WNT7B: variants seen among roughly 807,000 people sequenced by gnomAD.
The protein encoded by WNT7B is protein Wnt-7b.
In WNT7B, 19 loss-of-function variants were observed where a neutral mutation model predicts 38.2. That is an observed-to-expected ratio of 0.50 (90% CI 0.35 to 0.73). The LOEUF is 0.73. Among genes scored for constraint, WNT7B ranks in the 30% least tolerant of loss-of-function variants. WNT7B has a pLI of 0.01. For synonymous variants in WNT7B, 243 were observed against 209.3 expected, an observed-to-expected ratio of 1.16 and a Z score of -1.39; for missense variants, 423 against 507.9, an observed-to-expected ratio of 0.83 and a Z score of 1.61.
At chr22:45,925,146 C>T in intron 3 of WNT7B, 5 of 971,054 alleles carry the variant, frequency 5.1e-6, no homozygotes, top group Non-Finnish European at 6.1e-6. Context: ...CAGGTGGGTG[C>T]TGGGTGGGCC....
intron 2 of WNT7B, among the ~76,000 whole-genome samples, chr22:45,940,467 C>T (rs548550573): frequency 3.9e-5 from 6 of 152,280 alleles, no homozygotes; most frequent in African/African-American, 7.2e-5. Context: ...TACACACGCG[C>T]GACACTGCCT....
At chr22:45,923,706 G>A (rs1320267453) in intron 3 of WNT7B, among the ~76,000 whole-genome samples, 1 of 152,148 alleles carries the variant, frequency 6.6e-6, no homozygotes, top group Admixed American at 6.5e-5. Flanking sequence ...GCAGGTCACA[G>A]GCAGCAGGTG....
At chr22:45,940,200 C>G (rs1233492033) in intron 2 of WNT7B, among the ~76,000 whole-genome samples, 3 of 152,244 alleles carry the variant, frequency 2.0e-5, no homozygotes, top group African/African-American at 7.2e-5. Flanking sequence ...GTGTCCTACT[C>G]AATTTAAACC....
In WNT7B at chr22:45,943,670, T is replaced by C. The variant is rs548385633; in HGVS notation, c.298+6250A>G. On this transcript the variant is annotated intron_variant, in intron 2 of 3. Transcript: ENST00000339464. ...GAGAGCCTGCGGGCTTCTCTGGCCC[T>C]TGGGGGCAACATGGCCTTGGGTAAG... 8.6e-5 allele frequency among the ~76,000 whole-genome samples: 13 copies of C among 151,970 alleles called. 1 individual carries two copies. The South Asian group carries it at 2.7e-3, about 31-fold the overall frequency.
rs201323878 is a variant in WNT7B at position 45,923,252 on chromosome 22, C to T, written c.654G>A (p.Leu218=). ...SCTTKTCWTT[L]PKFREVGHLL... ...GGTGGCCCACCTCTCGGAACTTGGG[C>T]AGCGTGGTCCAGCAGGTTTTGGTGG... The change falls in exon 4 of 4, where the codon CTG becomes CTA. Residue 218 remains leucine, a synonymous_variant. Transcript: ENST00000339464. 3 of 1,613,626 alleles carry T rather than the reference C, an allele frequency of 1.9e-6. No individual in the cohort carries two copies. Among genetic ancestry groups the T allele is most frequent in the African/African-American group, 2.7e-5 (2 of 75,070 alleles).
intron 2 of WNT7B, among the ~76,000 whole-genome samples, chr22:45,943,124 G>C (rs1326119726): frequency 6.6e-6 from 1 of 152,122 alleles, no homozygotes; most frequent in Non-Finnish European, 1.5e-5. Context: ...TGTGTGCCAG[G>C]TGTACTGCTG....
At chr22:45,924,082 C>T (rs1017766636) in intron 3 of WNT7B, among the ~76,000 whole-genome samples, 4 of 152,214 alleles carry the variant, frequency 2.6e-5, no homozygotes, top group African/African-American at 4.8e-5. Context: ...CTCATTTACC[C>T]GGATCGAAAG....
intron 3 of WNT7B, chr22:45,925,657 T>C: frequency 2.0e-6 from 2 of 985,338 alleles, no homozygotes; most frequent in Non-Finnish European, 1.2e-6. Context: ...AGCCCTTCCC[T>C]CCACTAACCT....
At chr22:45,973,129 AGGCTTCCCCACTCT>A (rs766986578) in intron 1 of WNT7B, among the ~76,000 whole-genome samples, 1 of 152,240 alleles carries the variant, frequency 6.6e-6, no homozygotes, top group South Asian at 2.1e-4. Flanking sequence ...CCTCACACAG[AGGCTTCCCCACTCT>A]GGCTTCCCCA....
chr22:45,976,835 G>T lies in WNT7B; in HGVS notation c.-81C>A. 7.5e-7 allele frequency: 1 copy of T among 1,324,610 alleles called. No individual in the cohort carries two copies. The highest frequency in any genetic ancestry group is 9.9e-7 in the Non-Finnish European group (1 of 1,014,234). 82.1% of individuals were successfully genotyped at this position (1,324,610 alleles called of 1,614,324 possible). A position where few individuals can be genotyped will look rare whatever the true frequency, so the allele number is the denominator to read the frequency against. On this transcript the variant is annotated 5_prime_UTR_variant, in exon 1 of 4. Coordinates refer to ENST00000339464, the MANE Select transcript of WNT7B (RefSeq NM_058238.3). This position sits in a 1 kb window ranked among gnomAD's most constrained non-coding sequence, Gnocchi z 8.5. ...CCCGGCAGGGCCGGGCAGGGGCCAGGGGGCTGCGGGCAGACTGCGCTCAGC... is the reference window on the plus strand; with the variant it reads ...CCCGGCAGGGCCGGGCAGGGGCCAGTGGGCTGCGGGCAGACTGCGCTCAGC...
intron 2 of WNT7B, among the ~76,000 whole-genome samples, chr22:45,934,760 A>T (rs781461691): frequency 6.6e-6 from 1 of 152,180 alleles, no homozygotes; most frequent in Non-Finnish European, 1.5e-5. Flanking sequence ...CCGGTTACTC[A>T]TCGCCTGCCG....
At chr22:45,958,130 C>A (rs1415713101) in intron 1 of WNT7B, among the ~76,000 whole-genome samples, 3 of 152,258 alleles carry the variant, frequency 2.0e-5, no homozygotes, top group Admixed American at 2.0e-4. Context: ...TAGCCACCAT[C>A]CTTCCTCCCA....
chr22:45,927,768 C>G, intron 3 of WNT7B, among the ~76,000 whole-genome samples: 1 of 152,334 alleles, frequency 6.6e-6, no homozygotes, highest in South Asian at 2.1e-4. Context: ...CAGTGGCACA[C>G]GCCTGTAATC....
chr22:45,926,232 C>T, intron 3 of WNT7B: 1 of 985,410 alleles, frequency 1.0e-6, no homozygotes, highest in African/African-American at 1.7e-5. Context: ...GGCATTCGAG[C>T]AACAGCAATG....
rs946011524 is a variant in WNT7B at position 45,951,893 on chromosome 22, C to A, written c.72-1747G>T. 6.6e-6 allele frequency among the ~76,000 whole-genome samples: 1 copy of A among 152,188 alleles called. No individual in the cohort carries two copies. Among genetic ancestry groups the A allele is most frequent in the African/African-American group, 2.4e-5 (1 of 41,448 alleles). ...CTGTTTTCAGTCTCTGGGGCATGGA[C>A]CTATGAGTTGCTGGGTCAGGTGGTC... On this transcript the variant is annotated intron_variant, in intron 1 of 3. Coordinates refer to ENST00000339464, the MANE Select transcript of WNT7B (RefSeq NM_058238.3). This position sits in a 1 kb window ranked among gnomAD's most constrained non-coding sequence, Gnocchi z 4.8.
At position 45,946,073 on chromosome 22, in the gene WNT7B, TG is replaced by T. The variant is rs1390115174; in HGVS notation, c.298+3846del. ...TGGGGGACTCTGGGCTCTAGGGGGA[TG>T]GGGGCGGCGCAGTGGTTGGAAGGAA... is the stretch of plus-strand genomic sequence containing the variant. On this transcript the variant is annotated intron_variant, in intron 2 of 3. Coordinates refer to ENST00000339464, the MANE Select transcript of WNT7B (RefSeq NM_058238.3). 2.6e-5 allele frequency among the ~76,000 whole-genome samples: 4 copies of T among 152,110 alleles called. No individual in the cohort carries two copies. The South Asian group carries it at 8.3e-4, about 32-fold the overall frequency.
At chr22:45,949,499 T>C (rs1931878488) in intron 2 of WNT7B, among the ~76,000 whole-genome samples, 1 of 152,184 alleles carries the variant, frequency 6.6e-6, no homozygotes, top group African/African-American at 2.4e-5. Context: ...AGTGTTACTA[T>C]TCCCTGCTCT....
At chr22:45,964,282 C>T (rs981884552) in intron 1 of WNT7B, among the ~76,000 whole-genome samples, 6 of 152,132 alleles carry the variant, frequency 3.9e-5, no homozygotes, top group African/African-American at 1.4e-4. Context: ...CCCTGAACAC[C>T]CTGAGGCTCA....
chr22:45,943,870 G>A (rs1931730484), intron 2 of WNT7B, among the ~76,000 whole-genome samples: 1 of 152,228 alleles, frequency 6.6e-6, no homozygotes, highest in Non-Finnish European at 1.5e-5. Flanking sequence ...CCGGGCTGCT[G>A]TGCCCCTGTG....
Sources: allele counts gnomAD v4.1 joint callset (sites outside exome capture counted in the v4.1 genomes callset), GRCh38; gene constraint gnomAD v4.1.1; non-coding constraint Gnocchi (gnomAD v3.1); transcripts MANE v1.5; gene names NCBI Gene and HGNC (gene_info 2026-07-23, HGNC 2026-07-21).